The following PLAUR variants were observed in gnomAD, a reference collection of about 807,000 sequenced individuals.
PLAUR encodes urokinase plasminogen activator surface receptor.
Under a neutral mutation model 33.4 loss-of-function variants are expected in PLAUR, and 22 were observed. The ratio of observed to expected loss-of-function variants is 0.66; its 90% confidence interval spans 0.47 to 0.94. The LOEUF (loss-of-function observed/expected upper bound fraction) is 0.94, where lower values mean the gene tolerates loss of function less well. Among genes scored for constraint, PLAUR ranks in the 40% least tolerant of loss-of-function variants. The pLI is 0.00. For synonymous variants in PLAUR, 148 were observed against 167.3 expected, an observed-to-expected ratio of 0.88 and a Z score of 0.89; for missense variants, 408 against 434.7, an observed-to-expected ratio of 0.94 and a Z score of 0.55.
At position 43,652,518 on chromosome 19, in the gene PLAUR, G is replaced by T. The variant is rs1030218505; in HGVS notation, c.608-147C>A. 14 of 755,088 alleles carry T rather than the reference G, an allele frequency of 1.9e-5. No homozygotes were observed. The East Asian group carries it at 3.1e-4, about 17-fold the overall frequency. 46.8% of individuals were successfully genotyped at this position (755,088 alleles called of 1,614,324 possible). On this transcript the variant is annotated intron_variant, in intron 5 of 6. Coordinates refer to ENST00000340093, the MANE Select transcript of PLAUR (RefSeq NM_002659.4). ...AGGCGTCTGAATGGCATTTGGAGGG[G>T]GATGGTTTTCGAGGGCTTGAGAGAA...
chr19:43,659,992 CA>C (rs1369624654), intron 3 of PLAUR, among the ~76,000 whole-genome samples: 1 of 152,086 alleles, frequency 6.6e-6, no homozygotes, highest in Non-Finnish European at 1.5e-5. Context: ...TCCTATAATC[CA>C]ATATCTGAGT....
At chr19:43,665,278 G>A (rs761858444) in intron 3 of PLAUR, 38 bp downstream of exon 3, 22 of 1,606,300 alleles carry the variant, frequency 1.4e-5, no homozygotes, top group Middle Eastern at 1.6e-4. Flanking sequence ...AGCTGGGGAT[G>A]GCTTGGGGTT....
rs1489317710 is a variant in PLAUR, at chr19:43,648,947, G to A, written c.951C>T (p.Leu317=). Residue 317 remains leucine, a synonymous_variant, in exon 7 of 7, where the codon CTC becomes CTT. Coordinates refer to ENST00000340093, the MANE Select transcript of PLAUR (RefSeq NM_002659.4). ...APQPGPAHLS[L]TITLLMTARL... ...TGGCAGTCATTAGCAGGGTGATGGT[G>A]AGGCTGAGATGGGCAGGGCCAGGCT... 2 of 1,614,054 alleles carry A rather than the reference G, an allele frequency of 1.2e-6. No homozygotes were observed. Among genetic ancestry groups the A allele is most frequent in the South Asian group, 1.1e-5 (1 of 91,078 alleles).
At chr19:43,654,611 G>A (rs967330729) in intron 5 of PLAUR, among the ~76,000 whole-genome samples, 9 of 151,958 alleles carry the variant, frequency 5.9e-5, no homozygotes, top group Non-Finnish European at 1.3e-4. Context: ...GCATGCACCT[G>A]TAGTCGCAGC....
intron 5 of PLAUR, among the ~76,000 whole-genome samples, chr19:43,655,233 C>A (rs1024661283): frequency 2.8e-5 from 4 of 143,306 alleles, no homozygotes; most frequent in African/African-American, 1.1e-4. Context: ...GCGGAGATCA[C>A]GCCATTGCAC....
At chr19:43,665,589 C>T (rs563511193) in intron 2 of PLAUR, 130 bp from the exon 3 acceptor site, 793 of 763,852 alleles carry the variant, frequency 1.0e-3, no homozygotes, top group Non-Finnish European at 1.4e-3. Flanking sequence ...TTGAGTCGAA[C>T]TCTGTCTTTT....
At chr19:43,652,902 C>T (rs1158147266) in intron 5 of PLAUR, among the ~76,000 whole-genome samples, 1 of 152,140 alleles carries the variant, frequency 6.6e-6, no homozygotes, top group African/African-American at 2.4e-5. Context: ...CTGCCTGCCT[C>T]AGCCTCCCAA....
chr19:43,663,826 CA>C (rs111463069), intron 3 of PLAUR, among the ~76,000 whole-genome samples: 13,829 of 132,502 alleles, frequency 0.1, 836 homozygotes, highest in African/African-American at 0.16. Flanking sequence ...CAAAAGGAAA[CA>C]AAAAAAAAAA....
rs4251940 is a variant in PLAUR, at chr19:43,669,104, C to T, written c.55+962G>A. Among the ~76,000 whole-genome samples, 391 of 148,492 alleles carry T rather than the reference C, an allele frequency of 2.6e-3. 2 individuals carry two copies. The highest frequency in any genetic ancestry group is 7.0e-3 in the Admixed American group (105 of 14,896). On this transcript the variant is annotated intron_variant, in intron 1 of 6. Transcript: ENST00000340093. ...GCTTTCCGGGTTATTCATCGCGGCCCCAACACCCTGTGGCCACCCGCCCTG... is the reference window on the plus strand; with the variant it reads ...GCTTTCCGGGTTATTCATCGCGGCCTCAACACCCTGTGGCCACCCGCCCTG...
chr19:43,651,409 T>C (rs1973988331), intron 6 of PLAUR, among the ~76,000 whole-genome samples: 2 of 151,092 alleles, frequency 1.3e-5, no homozygotes, highest in Admixed American at 6.6e-5. Flanking sequence ...CATTTATCTA[T>C]AGAAATCACT....
chr19:43,665,553 G>T, intron 2 of PLAUR, 94 bp from the exon 3 acceptor site: 1 of 1,308,086 alleles, frequency 7.6e-7, no homozygotes, highest in Non-Finnish European at 1.1e-6. Context: ...TCCCAGGGCT[G>T]ATCTCTGCTA....
At chr19:43,663,212 C>T (rs1381390967) in intron 3 of PLAUR, among the ~76,000 whole-genome samples, 1 of 151,510 alleles carries the variant, frequency 6.6e-6, no homozygotes, top group Non-Finnish European at 1.5e-5. Context: ...GTGGTTTCTG[C>T]CATTGCTTTT....
Position 43,648,639 on chromosome 19 carries a change from C to A in PLAUR, c.*251G>T, listed in dbSNP as rs1973865959. On this transcript the variant is annotated 3_prime_UTR_variant, in exon 7 of 7. Transcript: ENST00000340093. ...AAATAATATGAATATTAATTAATAA[C>A]AACAACACAACAGCGGCAACAATAT... is the stretch of plus-strand genomic sequence containing the variant. 1 of 779,222 alleles carries A rather than the reference C, an allele frequency of 1.3e-6. No homozygotes were observed. Among genetic ancestry groups the A allele is most frequent in the Non-Finnish European group, 1.8e-6 (1 of 569,370 alleles). The allele number at this position is 779,222 out of a possible 1,614,324, so 48.3% of individuals were successfully genotyped here. A position where few individuals can be genotyped will look rare whatever the true frequency, so the allele number is the denominator to read the frequency against.
chr19:43,659,000 C>T (rs953404765), intron 3 of PLAUR, among the ~76,000 whole-genome samples: 2 of 151,990 alleles, frequency 1.3e-5, no homozygotes, highest in African/African-American at 4.8e-5. Flanking sequence ...CTAGGAAGCC[C>T]TCCCTGACCC....
chr19:43,648,268 C>T (rs939991886), downstream of PLAUR, among the ~76,000 whole-genome samples: 2 of 151,962 alleles, frequency 1.3e-5, no homozygotes, highest in Non-Finnish European at 1.5e-5. Flanking sequence ...CTCCACCTCC[C>T]GGATTGACGC....
chr19:43,646,351 T>C (rs1973825376), downstream of PLAUR: 3 of 650,122 alleles, frequency 4.6e-6, no homozygotes, highest in South Asian at 3.5e-5. Context: ...TTCTTCTCTA[T>C]ATCACATCTG....
At chr19:43,663,649 C>A (rs189792333) in intron 3 of PLAUR, among the ~76,000 whole-genome samples, 38 of 151,946 alleles carry the variant, frequency 2.5e-4, no homozygotes, top group African/African-American at 9.2e-4. Flanking sequence ...GGCGTGGTGG[C>A]GCATGCCTGT....
Position 43,667,669 on chromosome 19 carries a change from C to A in PLAUR, c.78G>T (p.Met26Ile), listed in dbSNP as rs1450907916. 6.2e-7 allele frequency: 1 copy of A among 1,613,846 alleles called. No homozygotes were observed. Among genetic ancestry groups the A allele is most frequent in the East Asian group, 2.2e-5 (1 of 44,884 alleles). Residue 26 changes from methionine to isoleucine, a missense_variant, in exon 2 of 7, where the codon ATG becomes ATT. By Grantham distance (10) the Met-to-Ile change is conservative. Coordinates refer to ENST00000340093, the MANE Select transcript of PLAUR (RefSeq NM_002659.4). The part of the protein sequence containing the change: ...CVPASWGLRC[M>I]QCKTNGDCRV... ...GGCAATCCCCGTTGGTCTTACACTG[C>A]ATGCACCGCAGGCCCCAAGAGGCTG... is the stretch of plus-strand genomic sequence containing the variant.
At chr19:43,659,167 C>CTTATTTTTTTTTTT (rs1974333235) in intron 3 of PLAUR, among the ~76,000 whole-genome samples, 1 of 97,138 alleles carries the variant, frequency 1.0e-5, no homozygotes, top group Non-Finnish European at 1.9e-5. Context: ...CTTTTCTTTT[C>CTTATTTTTTTTTTT]TTTTTTTTTT....
Sources: allele counts gnomAD v4.1 joint callset (sites outside exome capture counted in the v4.1 genomes callset), GRCh38; gene constraint gnomAD v4.1.1; transcripts MANE v1.5; gene names NCBI Gene and HGNC (gene_info 2026-07-23, HGNC 2026-07-21).